The following CNNM2 variants were observed in gnomAD, a reference collection of about 807,000 sequenced individuals.
The protein encoded by CNNM2 is cyclin and CBS domain divalent metal cation transport mediator 2, also known as metal transporter CNNM2.
In CNNM2, 12 loss-of-function variants were observed where a neutral mutation model predicts 66.9. The ratio of observed to expected loss-of-function variants is 0.18; its 90% CI spans 0.11 to 0.29. The LOEUF is 0.29. Ranked by LOEUF, CNNM2 falls within the 10% of genes least tolerant of loss-of-function variation. CNNM2 has a pLI of 1.00. For missense variants in CNNM2, 705 were observed against 1,167.7 expected, an observed-to-expected ratio of 0.60 and a Z score of 5.77; for synonymous variants, 557 against 501.8, an observed-to-expected ratio of 1.11 and a Z score of -1.47.
chr10:102,919,920 C>T lies in CNNM2; in HGVS notation c.1440C>T (p.Arg480=). ...MSEIMESGYT[R]IPVFEGERSN... ...AGATCATGGAGAGCGGCTACACCCG[C>T]ATTCCAGTGTTTGAAGGGGAGCGCT... Residue 480 remains arginine (R), a synonymous_variant, in exon 1 of 8, where the codon CGC becomes CGT. Coordinates refer to ENST00000369878, the MANE Select transcript of CNNM2 (RefSeq NM_017649.5). 2 of 1,614,240 alleles carry T rather than the reference C, an allele frequency of 1.2e-6. No homozygotes were observed. The highest frequency in any genetic ancestry group is 1.7e-6 in the Non-Finnish European group (2 of 1,180,048).
chr10:103,048,441 C>T (rs561078464), intron 1 of CNNM2, among the ~76,000 whole-genome samples: 66 of 152,128 alleles, frequency 4.3e-4, no homozygotes, highest in Non-Finnish European at 9.1e-4. Context: ...GTCTCAAACT[C>T]CTGACCTCAG....
At chr10:103,042,915 A>C (rs534128052) in intron 1 of CNNM2, among the ~76,000 whole-genome samples, 2 of 152,298 alleles carry the variant, frequency 1.3e-5, no homozygotes, top group African/African-American at 4.8e-5. Context: ...TTTTATCACT[A>C]GTTCTATAGA....
rs10748836 is a variant in CNNM2, at chr10:102,934,160, G to A, written c.1621+14059G>A. Among the ~76,000 whole-genome samples the A allele has an allele frequency of 0.41, 61,835 of 151,444 alleles. 12,834 individuals carry two copies. Among genetic ancestry groups the A allele is most frequent in the East Asian group, 0.56 (2,886 of 5,144 alleles). On this transcript the variant is annotated intron_variant, in intron 1 of 7. Coordinates refer to ENST00000369878, the MANE Select transcript of CNNM2 (RefSeq NM_017649.5). ...CCTGCCATAAAAGAGTAAGTTTTCT[G>A]TCCCAGATTAGATAGGAAAAGAAGA...
At chr10:102,989,007 T>C (rs2063847951) in intron 1 of CNNM2, among the ~76,000 whole-genome samples, 1 of 152,198 alleles carries the variant, frequency 6.6e-6, no homozygotes, top group East Asian at 1.9e-4. Context: ...GTAGTAACCC[T>C]GGTTGTCTAA....
At chr10:103,015,179 A>G (rs1409595701) in intron 1 of CNNM2, among the ~76,000 whole-genome samples, 10 of 152,256 alleles carry the variant, frequency 6.6e-5, no homozygotes, top group Non-Finnish European at 1.3e-4. Context: ...AATTTACCCA[A>G]CCAAGGTGGA....
At chr10:103,044,379 G>C (rs1299544919) in intron 1 of CNNM2, among the ~76,000 whole-genome samples, 1 of 152,008 alleles carries the variant, frequency 6.6e-6, no homozygotes, top group Non-Finnish European at 1.5e-5. Flanking sequence ...AATATAGCGA[G>C]ACCCTGTCTC....
chr10:102,974,679 A>T (rs1403250045), intron 1 of CNNM2, among the ~76,000 whole-genome samples: 1 of 151,866 alleles, frequency 6.6e-6, no homozygotes, highest in Non-Finnish European at 1.5e-5. Context: ...GACTGTGGGT[A>T]CACACTACTG....
At chr10:102,953,694 C>T (rs573674594) in intron 1 of CNNM2, among the ~76,000 whole-genome samples, 31 of 151,962 alleles carry the variant, frequency 2.0e-4, no homozygotes, top group African/African-American at 5.6e-4. Context: ...TGAGTAGCTG[C>T]GACCACAGGC....
intron 1 of CNNM2, among the ~76,000 whole-genome samples, chr10:102,984,645 G>T (rs1227147688): frequency 6.6e-6 from 1 of 152,096 alleles, no homozygotes; most frequent in Non-Finnish European, 1.5e-5. Context: ...AAATATAATT[G>T]TGTAATCTTG....
chr10:103,076,371 T>G lies in CNNM2; in HGVS notation c.2418+101T>G, dbSNP rs181187707. On this transcript the variant is annotated intron_variant, in intron 7 of 7. Transcript: ENST00000369878. Reference sequence around the variant, plus strand: ...CCTTGCCCTCCTCAGAACTCTCCCTTTGTCACTTTGTGGGTGCCCTGCCTT... The same window carrying G: ...CCTTGCCCTCCTCAGAACTCTCCCTGTGTCACTTTGTGGGTGCCCTGCCTT... The G allele has an allele frequency of 2.6e-5, 31 of 1,182,488 alleles. No homozygotes were observed. The East Asian group carries it at 7.9e-4, about 30-fold the overall frequency. 73.2% of individuals were successfully genotyped at this position (1,182,488 alleles called of 1,614,324 possible).
chr10:103,016,024 G>T (rs987749062), intron 1 of CNNM2, among the ~76,000 whole-genome samples: 5 of 152,090 alleles, frequency 3.3e-5, no homozygotes, highest in South Asian at 2.1e-4. Context: ...TAAGACTGAT[G>T]AATCTTAACT....
intron 1 of CNNM2, among the ~76,000 whole-genome samples, chr10:103,005,224 C>G (rs2064202648): frequency 6.6e-6 from 1 of 151,986 alleles, no homozygotes; most frequent in Admixed American, 6.6e-5. Flanking sequence ...TAATTTCTTT[C>G]AGTAATATTT....
chr10:102,951,879 C>T (rs922023652), intron 1 of CNNM2, among the ~76,000 whole-genome samples: 2 of 152,042 alleles, frequency 1.3e-5, no homozygotes, highest in Non-Finnish European at 2.9e-5. Flanking sequence ...TCTCGGCTCA[C>T]TGCAACCTCT....
chr10:103,004,085 AC>A, intron 1 of CNNM2, among the ~76,000 whole-genome samples: 1 of 48,350 alleles, frequency 2.1e-5, no homozygotes, highest in South Asian at 7.6e-4. Context: ...CTCTGCCCCC[AC>A]CCCCGCCCCG....
At chr10:102,994,727 T>TA (rs918421105) in intron 1 of CNNM2, among the ~76,000 whole-genome samples, 21 of 152,378 alleles carry the variant, frequency 1.4e-4, no homozygotes, top group African/African-American at 4.6e-4. Flanking sequence ...TTGCCTCTGA[T>TA]ACCCGTGACA....
intron 1 of CNNM2, among the ~76,000 whole-genome samples, chr10:102,999,459 A>T (rs1386226148): frequency 2.0e-5 from 3 of 152,128 alleles, no homozygotes; most frequent in Admixed American, 2.0e-4. Flanking sequence ...TAAAATACTT[A>T]GGAATAATTT....
intron 1 of CNNM2, among the ~76,000 whole-genome samples, chr10:103,031,632 G>A (rs1362862436): frequency 2.0e-5 from 3 of 152,142 alleles, no homozygotes; most frequent in African/African-American, 7.2e-5. Flanking sequence ...CATCAGCCTG[G>A]TAGAAAGACT....
chr10:103,061,512 TAAAAG>T, intron 4 of CNNM2, among the ~76,000 whole-genome samples: 1 of 151,868 alleles, frequency 6.6e-6, no homozygotes, highest in Non-Finnish European at 1.5e-5. Context: ...ATTGATGTGA[TAAAAG>T]GAAAAAAAAG....
At chr10:102,996,693 A>G (rs2064011072) in intron 1 of CNNM2, among the ~76,000 whole-genome samples, 1 of 152,248 alleles carries the variant, frequency 6.6e-6, no homozygotes, top group Non-Finnish European at 1.5e-5. Flanking sequence ...CAAAAACAAA[A>G]CAAAAAACTT....
Sources: gnomAD v4.1 joint callset for allele counts (sites outside exome capture counted in the v4.1 genomes callset) on GRCh38, gnomAD v4.1.1 for gene constraint, MANE v1.5 for transcripts, NCBI Gene and HGNC (gene_info 2026-07-23, HGNC 2026-07-21) for gene names.